The following SOS2 variants were observed in gnomAD, a reference collection of about 807,000 sequenced individuals.
The protein encoded by SOS2 is SOS Ras/Rho guanine nucleotide exchange factor 2.
In SOS2, 65 loss-of-function variants were observed where a neutral mutation model predicts 148.2. That is an observed-to-expected ratio of 0.44 (90% CI 0.36 to 0.54). The LOEUF is 0.54. SOS2 is among the 20% of genes least tolerant of loss of function. The pLI, the probability that SOS2 is intolerant of heterozygous loss-of-function variation, is 0.00. For synonymous variants in SOS2, 539 were observed against 537.1 expected, an observed-to-expected ratio of 1.00 and a Z score of -0.05; for missense variants, 1,341 against 1,590.2, an observed-to-expected ratio of 0.84 and a Z score of 2.67.
chr14:50,162,772 T>C lies in SOS2; in HGVS notation c.1069-1163A>G, dbSNP rs76547266. 5.0e-3 allele frequency among the ~76,000 whole-genome samples: 764 copies of C among 152,292 alleles called. 4 individuals carry two copies. Among genetic ancestry groups the C allele is most frequent in the Non-Finnish European group, 7.6e-3 (515 of 68,028 alleles). On this transcript the variant is annotated intron_variant, in intron 8 of 22. Transcript: ENST00000216373. ...GAAGATTTAGAAACTGACTTATTAA[T>C]CTCTAAAACTCTGGTTCTATTTCAT... is the stretch of plus-strand genomic sequence containing the variant.
At chr14:50,120,825 C>T (rs186129615) in intron 21 of SOS2, among the ~76,000 whole-genome samples, 8 of 150,824 alleles carry the variant, frequency 5.3e-5, no homozygotes, top group East Asian at 2.0e-4. Flanking sequence ...CTGCAACCTC[C>T]GCCTCCCGGG....
chr14:50,129,835 T>C (rs1883809152), intron 21 of SOS2, 126 bp downstream of exon 21: 1 of 599,508 alleles, frequency 1.7e-6, no homozygotes, highest in Non-Finnish European at 3.0e-6. Flanking sequence ...TGTAAGCAAA[T>C]AATTAAATTT....
At chr14:50,216,453 T>C (rs1169179744) in intron 1 of SOS2, among the ~76,000 whole-genome samples, 5 of 152,086 alleles carry the variant, frequency 3.3e-5, no homozygotes, top group Admixed American at 2.0e-4. Flanking sequence ...AGTTGAAGTA[T>C]ATATACTAAA....
At chr14:50,164,700 C>A (rs139515803) in intron 8 of SOS2, among the ~76,000 whole-genome samples, 51 of 152,046 alleles carry the variant, frequency 3.4e-4, no homozygotes, top group African/African-American at 1.2e-3. Context: ...AAGTAATGTA[C>A]TTTCATGCCC....
At chr14:50,223,779 G>T (rs995230812) in intron 1 of SOS2, among the ~76,000 whole-genome samples, 1 of 152,144 alleles carries the variant, frequency 6.6e-6, no homozygotes, top group African/African-American at 2.4e-5. Context: ...ATTGAGCCCA[G>T]GAGGTTAAGG....
intron 1 of SOS2, among the ~76,000 whole-genome samples, chr14:50,210,336 C>A (rs1162080352): frequency 6.6e-6 from 1 of 152,052 alleles, no homozygotes; most frequent in Non-Finnish European, 1.5e-5. Flanking sequence ...TAGTGTTGAA[C>A]CACTGCAGAA....
chr14:50,127,352 GTC>G (rs1194268220), intron 21 of SOS2, among the ~76,000 whole-genome samples: 1 of 152,106 alleles, frequency 6.6e-6, no homozygotes, highest in African/African-American at 2.4e-5. Context: ...ATGTTGGTCA[GTC>G]TGGTCTCAAA....
At chr14:50,210,763 A>G (rs1182997942) in intron 1 of SOS2, among the ~76,000 whole-genome samples, 1 of 152,080 alleles carries the variant, frequency 6.6e-6, no homozygotes, top group Admixed American at 6.6e-5. Context: ...AAAAGAATAA[A>G]TTCAAATAGC....
chr14:50,167,268 A>G (rs899905864), intron 8 of SOS2, among the ~76,000 whole-genome samples: 2 of 152,134 alleles, frequency 1.3e-5, no homozygotes, highest in South Asian at 4.1e-4. Context: ...ATTTCTTTCA[A>G]TAGAGATTGC....
chr14:50,150,580 G>C (rs1002445590), intron 13 of SOS2, among the ~76,000 whole-genome samples: 8 of 108,114 alleles, frequency 7.4e-5, no homozygotes, highest in Non-Finnish European at 1.3e-4. Flanking sequence ...TTTTTTTTTT[G>C]AGACAGGGTC....
chr14:50,130,476 C>G (rs1778379809), intron 20 of SOS2, 25 bp downstream of exon 20: 1 of 1,584,306 alleles, frequency 6.3e-7, no homozygotes, highest in Non-Finnish European at 8.6e-7. Context: ...CCTTTTTTAC[C>G]AAGCGGTTTA....
intron 3 of SOS2, among the ~76,000 whole-genome samples, chr14:50,200,302 A>G (rs991309627): frequency 2.0e-5 from 3 of 152,052 alleles, no homozygotes; most frequent in African/African-American, 7.3e-5. Flanking sequence ...ATTTGCTACA[A>G]AACTCTTAAA....
intron 21 of SOS2, 55 bp downstream of exon 21, chr14:50,129,906 C>A: frequency 9.6e-7 from 1 of 1,040,802 alleles, no homozygotes; most frequent in South Asian, 1.4e-5. Context: ...ATATAATCAA[C>A]CAGATTATTA....
At chr14:50,170,691 T>C (rs1885332048) in intron 8 of SOS2, among the ~76,000 whole-genome samples, 1 of 150,482 alleles carries the variant, frequency 6.6e-6, no homozygotes, top group Non-Finnish European at 1.5e-5. Flanking sequence ...CACAATAAAA[T>C]AGATGATATA....
intron 8 of SOS2, among the ~76,000 whole-genome samples, chr14:50,171,780 T>A (rs752139457): frequency 5.3e-5 from 8 of 152,016 alleles, no homozygotes; most frequent in Non-Finnish European, 1.2e-4. Context: ...TATTATCATC[T>A]CTCAAAGTTT....
rs1242441531 is a variant in SOS2, at chr14:50,117,565, AT to A, written c.*778del. 6.6e-6 allele frequency: 1 copy of A among 152,206 alleles called. No homozygotes were observed. Among genetic ancestry groups the A allele is most frequent in the Non-Finnish European group, 1.5e-5 (1 of 68,032 alleles). The allele number at this position is 152,206 out of a possible 1,614,324, so 9.4% of individuals were successfully genotyped here. ...TAAATTTATATAGGTTATTAGCAGT[AT>A]CTTTAAATATACAATATAAACAAAA... On this transcript the variant is annotated 3_prime_UTR_variant, in exon 23 of 23. Coordinates refer to ENST00000216373, the MANE Select transcript of SOS2 (RefSeq NM_006939.4).
At chr14:50,139,249 A>G (rs1884184537) in intron 17 of SOS2, among the ~76,000 whole-genome samples, 2 of 151,694 alleles carry the variant, frequency 1.3e-5, no homozygotes, top group African/African-American at 4.9e-5. Flanking sequence ...TAATTTAGAT[A>G]GAAAAATAAT....
chr14:50,153,746 G>A (rs1273427443), intron 12 of SOS2, among the ~76,000 whole-genome samples: 1 of 152,164 alleles, frequency 6.6e-6, no homozygotes, highest in African/African-American at 2.4e-5. Flanking sequence ...CCAAGTAGCT[G>A]GGATTATAGA....
At position 50,231,311 on chromosome 14, in the gene SOS2, G is replaced by A. The variant is rs1887538722; in HGVS notation, c.-28C>T. 7.5e-7 allele frequency: 1 copy of A among 1,331,304 alleles called. No homozygotes were observed. The highest frequency in any genetic ancestry group is 9.9e-7 in the Non-Finnish European group (1 of 1,010,096). 82.5% of individuals were successfully genotyped at this position (1,331,304 alleles called of 1,614,324 possible). On this transcript the variant is annotated 5_prime_UTR_variant, in exon 1 of 23. Transcript: ENST00000216373. ...CCCCGGCGACAGCGCCTCCGCATCG[G>A]GGGCAGCCCGCGGGCCGGGCCGGTG...
Sources: allele counts gnomAD v4.1 joint callset (sites outside exome capture counted in the v4.1 genomes callset), GRCh38; gene constraint gnomAD v4.1.1; transcripts MANE v1.5; gene names NCBI Gene and HGNC (gene_info 2026-07-23, HGNC 2026-07-21).